The following RASA1 variants were observed in gnomAD, a reference collection of about 807,000 sequenced individuals.
RASA1 encodes ras GTPase-activating protein 1.
In RASA1, 25 loss-of-function variants were observed where a neutral mutation model predicts 132.2. That is an observed-to-expected ratio of 0.19 (90% CI 0.14 to 0.26). RASA1 has a LOEUF of 0.26. Ranked by LOEUF, RASA1 falls within the 10% of genes least tolerant of loss-of-function variation. The pLI is 1.00. For synonymous variants in RASA1, 477 were observed against 449.9 expected (o/e 1.06, Z -0.76); for missense variants, 964 against 1,299.2 (o/e 0.74, Z 3.97).
chr5:87,330,345 A>G (rs1341286966), intron 1 of RASA1, among the ~76,000 whole-genome samples: 3 of 152,140 alleles, frequency 2.0e-5, no homozygotes, highest in African/African-American at 4.8e-5. Flanking sequence ...ATTATTACAC[A>G]TATAAGATTA....
intron 1 of RASA1, among the ~76,000 whole-genome samples, chr5:87,303,256 T>TATC (rs1755459643): frequency 6.6e-6 from 1 of 152,202 alleles, no homozygotes; most frequent in African/African-American, 2.4e-5. Context: ...TCTTCCAGTC[T>TATC]ATCAATTTTG....
intron 1 of RASA1, among the ~76,000 whole-genome samples, chr5:87,324,446 T>C (rs1047251529): frequency 2.6e-5 from 4 of 152,252 alleles, no homozygotes; most frequent in Non-Finnish European, 5.9e-5. Context: ...GTGTAAACTT[T>C]GTATTCTCAA....
intron 1 of RASA1, among the ~76,000 whole-genome samples, chr5:87,281,715 G>A (rs980301425): frequency 6.6e-6 from 1 of 151,952 alleles, no homozygotes; most frequent in African/African-American, 2.4e-5. Context: ...CAGCTAGCTG[G>A]GATTACAGGC....
chr5:87,385,195 G>T (rs1580407282), intron 21 of RASA1, 106 bp from the exon 22 acceptor site: 1 of 768,356 alleles, frequency 1.3e-6, no homozygotes, highest in East Asian at 2.6e-5. Flanking sequence ...TGGAAGAATG[G>T]GTAGTAGTTT....
chr5:87,280,986 C>T (rs1480548224), intron 1 of RASA1, among the ~76,000 whole-genome samples: 3 of 151,600 alleles, frequency 2.0e-5, no homozygotes, highest in African/African-American at 7.3e-5. Context: ...CTTTTGTTTA[C>T]CCAGTTATCC....
chr5:87,381,587 T>C (rs1477315066), intron 20 of RASA1, among the ~76,000 whole-genome samples: 2 of 152,208 alleles, frequency 1.3e-5, no homozygotes, highest in Admixed American at 6.5e-5. Flanking sequence ...TATTTCTTTT[T>C]TTGGGGGGCA....
intron 1 of RASA1, among the ~76,000 whole-genome samples, chr5:87,304,939 CTTTTTTTTTTTTTTT>C (rs756572506): frequency 1.6e-5 from 1 of 64,412 alleles, no homozygotes; most frequent in East Asian, 3.9e-4. Flanking sequence ...TCTTTTAGTC[CTTTTTTTTTTTTTTT>C]TTTTTTTTGG....
chr5:87,319,527 C>T (rs960388855), intron 1 of RASA1, among the ~76,000 whole-genome samples: 1 of 152,244 alleles, frequency 6.6e-6, no homozygotes, highest in East Asian at 1.9e-4. Flanking sequence ...GTGGCTTGCA[C>T]CCTCTGAAGC....
At chr5:87,364,045 T>C (rs1760319465) in intron 11 of RASA1, among the ~76,000 whole-genome samples, 1 of 152,146 alleles carries the variant, frequency 6.6e-6, no homozygotes, top group Non-Finnish European at 1.5e-5. Flanking sequence ...CTTGATTACA[T>C]CTAGATTTTT....
Position 87,389,474 on chromosome 5 carries a change from G to C in RASA1, c.3007G>C (p.Val1003Leu), listed in dbSNP as rs758894954. Residue 1003 changes from valine (V) to leucine (L), a missense_variant, in exon 24 of 25, where the codon GTG becomes CTG. By Grantham distance (32) the Val-to-Leu change is conservative. Around this residue, in one of 6 missense-constraint regions of RASA1, gnomAD observed 107 missense variants for 163.8 expected, o/e 0.65. Transcript: ENST00000274376. Reference protein sequence around the residue: ...RDLAALHEICVAHSDELRTLS... With the variant: ...RDLAALHEICLAHSDELRTLS... Reference sequence around the variant, plus strand: ...TTTAGCAGCATTGCATGAGATTTGCGTGGCTCATTCAGATGAACTTCGAAC... The same window carrying C: ...TTTAGCAGCATTGCATGAGATTTGCCTGGCTCATTCAGATGAACTTCGAAC... The C allele has an allele frequency of 3.7e-6, 6 of 1,614,038 alleles. No homozygotes were observed. Among genetic ancestry groups the C allele is most frequent in the African/African-American group, 1.3e-5 (1 of 74,938 alleles).
chr5:87,294,013 A>G (rs1045191597), intron 1 of RASA1, among the ~76,000 whole-genome samples: 1 of 151,988 alleles, frequency 6.6e-6, no homozygotes, highest in African/African-American at 2.4e-5. Context: ...TTTTTTCAGA[A>G]AAGTTACTTT....
chr5:87,269,239 A>G (rs1282612173), intron 1 of RASA1: 19 of 1,546,804 alleles, frequency 1.2e-5, no homozygotes, highest in Non-Finnish European at 1.7e-5. Context: ...GCATGAGAAA[A>G]TGTGTATCTA....
intron 17 of RASA1, 49 bp from the exon 18 acceptor site, chr5:87,378,347 A>T (rs1220124134): frequency 6.3e-7 from 1 of 1,598,138 alleles, no homozygotes; most frequent in Admixed American, 1.7e-5. Context: ...ATTTGGTCAC[A>T]TTAGGTCAGT....
chr5:87,344,307 A>G (rs1174654867), intron 6 of RASA1, among the ~76,000 whole-genome samples: 5 of 152,178 alleles, frequency 3.3e-5, no homozygotes, highest in Non-Finnish European at 7.4e-5. Context: ...CCCCATAAAA[A>G]TAAACAAAAT....
chr5:87,285,487 C>T (rs1289328860), intron 1 of RASA1, among the ~76,000 whole-genome samples: 1 of 151,864 alleles, frequency 6.6e-6, no homozygotes, highest in Non-Finnish European at 1.5e-5. Flanking sequence ...TTGTATTATG[C>T]TTTGAATGCT....
intron 17 of RASA1, among the ~76,000 whole-genome samples, chr5:87,377,674 T>G (rs1761417162): frequency 6.6e-6 from 1 of 152,100 alleles, no homozygotes; most frequent in African/African-American, 2.4e-5. Context: ...TGCATTTTAT[T>G]TCTAACTTTT....
chr5:87,348,107 A>T (rs1758993097), intron 7 of RASA1, among the ~76,000 whole-genome samples: 1 of 152,000 alleles, frequency 6.6e-6, no homozygotes, highest in Non-Finnish European at 1.5e-5. Context: ...TGTCAGTAAG[A>T]TTTGTTGTAT....
At chr5:87,289,322 G>T (rs985876619) in intron 1 of RASA1, among the ~76,000 whole-genome samples, 2 of 152,064 alleles carry the variant, frequency 1.3e-5, no homozygotes, top group African/African-American at 4.8e-5. Context: ...GTTAAGGTGG[G>T]TTGCACCAGA....
intron 1 of RASA1, among the ~76,000 whole-genome samples, chr5:87,324,250 C>T (rs991382077): frequency 6.6e-6 from 1 of 152,160 alleles, no homozygotes; most frequent in Non-Finnish European, 1.5e-5. Context: ...GGTACTAATA[C>T]TAGCCTCCTG....
Sources: gnomAD v4.1 joint callset for allele counts (sites outside exome capture counted in the v4.1 genomes callset) on GRCh38, gnomAD v4.1.1 for gene constraint, gnomAD v4.1.1 regional missense constraint, MANE v1.5 for transcripts, NCBI Gene and HGNC (gene_info 2026-07-23, HGNC 2026-07-21) for gene names.